The following CLDN14 variants were observed in gnomAD, a reference collection of about 807,000 sequenced individuals.
The protein encoded by CLDN14 is claudin-14.
Under a neutral mutation model 2.1 loss-of-function variants are expected in CLDN14, and 2 were observed. The ratio of observed to expected loss-of-function variants is 0.96; its 90% CI spans 0.39 to 3.01. CLDN14 has a LOEUF of 3.01. Among genes scored for constraint, CLDN14 ranks in the 30% most tolerant of loss-of-function variants. CLDN14 has a pLI of 0.09. For synonymous variants in CLDN14, 136 were observed against 154.4 expected (o/e 0.88, Z 0.88); for missense variants, 298 against 328.0 (o/e 0.91, Z 0.71).
At chr21:36,522,425 C>T (rs1568868192) in intron 1 of CLDN14, among the ~76,000 whole-genome samples, 1 of 152,228 alleles carries the variant, frequency 6.6e-6, no homozygotes, top group Non-Finnish European at 1.5e-5. Context: ...CCAGGATGCG[C>T]TGGGGGTTTG....
Position 36,461,322 on chromosome 21 carries a change from A to G in CLDN14, c.374T>C (p.Phe125Ser). 6.2e-7 allele frequency: 1 copy of G among 1,613,496 alleles called. No individual in the cohort carries two copies. Among genetic ancestry groups the G allele is most frequent in the Non-Finnish European group, 8.5e-7 (1 of 1,179,960 alleles). ...CATGCACAGGAGGCCGGCCAGGATG[A>G]AGAGGGTGCCGCCGAGGATGGCAAA... ...TTFAILGGTL[F>S]ILAGLLCMVA... Residue 125 changes from phenylalanine (F) to serine (S), a missense_variant, in exon 2 of 2, where the codon TTC becomes TCC. Coordinates refer to ENST00000399135, the MANE Select transcript of CLDN14 (RefSeq NM_001146079.2).
chr21:36,519,523 C>T (rs1303846695), intron 1 of CLDN14, among the ~76,000 whole-genome samples: 2 of 152,048 alleles, frequency 1.3e-5, no homozygotes, highest in East Asian at 3.9e-4. Flanking sequence ...ACAGCCTGGC[C>T]AACAGACGAA....
At chr21:36,552,471 T>C (rs2087569477) in intron 1 of CLDN14, among the ~76,000 whole-genome samples, 1 of 152,182 alleles carries the variant, frequency 6.6e-6, no homozygotes, top group Non-Finnish European at 1.5e-5. Flanking sequence ...TAAGTTGATC[T>C]GTTACAGGAC....
At chr21:36,521,918 T>C (rs1018969540) in intron 1 of CLDN14, among the ~76,000 whole-genome samples, 8 of 152,218 alleles carry the variant, frequency 5.3e-5, no homozygotes, top group African/African-American at 1.9e-4. Context: ...AAATATCTAG[T>C]GTTTTATACA....
chr21:36,465,451 C>T (rs2086633372), intron 1 of CLDN14, among the ~76,000 whole-genome samples: 1 of 152,192 alleles, frequency 6.6e-6, no homozygotes, highest in South Asian at 2.1e-4. Context: ...AATGAGCCCC[C>T]AACTCCCAGA....
chr21:36,554,247 G>A (rs1348677394), intron 1 of CLDN14, among the ~76,000 whole-genome samples: 2 of 152,104 alleles, frequency 1.3e-5, no homozygotes, highest in African/African-American at 4.8e-5. Context: ...TGGGCTCGGC[G>A]GTGCCTCCTG....
chr21:36,481,051 C>A (rs1013653138), upstream of CLDN14: 5 of 152,096 alleles, frequency 3.3e-5, no homozygotes, highest in African/African-American at 1.2e-4. Context: ...ATCTGCATAG[C>A]TTTTTTGGTC....
intron 1 of CLDN14, among the ~76,000 whole-genome samples, chr21:36,540,062 T>C (rs886513875): frequency 6.6e-6 from 1 of 151,366 alleles, no homozygotes; most frequent in Non-Finnish European, 1.5e-5. Context: ...GGTATGTATG[T>C]GTGTGGAGTG....
intron 1 of CLDN14, among the ~76,000 whole-genome samples, chr21:36,565,327 T>G (rs1363859800): frequency 6.6e-6 from 1 of 152,162 alleles, no homozygotes; most frequent in Non-Finnish European, 1.5e-5. Context: ...CTGGCTCTGT[T>G]GAAAGATTGC....
At chr21:36,552,958 G>A (rs2087572981) in intron 1 of CLDN14, among the ~76,000 whole-genome samples, 1 of 152,192 alleles carries the variant, frequency 6.6e-6, no homozygotes, top group African/African-American at 2.4e-5. Context: ...AGACTTGGGG[G>A]TGCAGAGGCC....
At chr21:36,557,441 C>A (rs2087606503) in intron 1 of CLDN14, among the ~76,000 whole-genome samples, 1 of 152,056 alleles carries the variant, frequency 6.6e-6, no homozygotes, top group Non-Finnish European at 1.5e-5. Flanking sequence ...TTCTCCACAT[C>A]CTTGCCAACT....
At chr21:36,548,173 A>C (rs1222865002) in intron 1 of CLDN14, among the ~76,000 whole-genome samples, 1 of 151,730 alleles carries the variant, frequency 6.6e-6, no homozygotes, top group Non-Finnish European at 1.5e-5. Context: ...TCCTCCAGGA[A>C]GCCCCCCTTC....
intron 1 of CLDN14, among the ~76,000 whole-genome samples, chr21:36,546,164 A>C (rs900578442): frequency 1.3e-5 from 2 of 152,222 alleles, no homozygotes; most frequent in African/African-American, 4.8e-5. Flanking sequence ...CATTATTTTC[A>C]CTTTTTGCAG....
intron 1 of CLDN14, among the ~76,000 whole-genome samples, chr21:36,549,779 C>T (rs1489958451): frequency 6.6e-6 from 1 of 152,206 alleles, no homozygotes; most frequent in Non-Finnish European, 1.5e-5. Flanking sequence ...TTCAGGTCTT[C>T]ACTCAAGTGT....
chr21:36,562,796 C>T (rs1437151841), intron 1 of CLDN14, among the ~76,000 whole-genome samples: 1 of 151,882 alleles, frequency 6.6e-6, no homozygotes, highest in African/African-American at 2.4e-5. Flanking sequence ...GTTCTCAGCA[C>T]AGTCAAGCGG....
chr21:36,488,273 C>CCTTCCTTCCTTCCTTT (rs1348624491), intron 2 of CLDN14, among the ~76,000 whole-genome samples: 1 of 149,622 alleles, frequency 6.7e-6, no homozygotes, highest in African/African-American at 2.5e-5. Flanking sequence ...TTCCTTCCTT[C>CCTTCCTTCCTTCCTTT]CCTCTCTCTT....
At chr21:36,550,109 A>G (rs910128985) in intron 1 of CLDN14, among the ~76,000 whole-genome samples, 2 of 152,200 alleles carry the variant, frequency 1.3e-5, no homozygotes, top group African/African-American at 4.8e-5. Flanking sequence ...GCCTTTTAGA[A>G]TGGTGACTAC....
At chr21:36,494,530 G>T (rs1448303296) in intron 2 of CLDN14, among the ~76,000 whole-genome samples, 2 of 152,194 alleles carry the variant, frequency 1.3e-5, no homozygotes, top group African/African-American at 4.8e-5. Flanking sequence ...ATATGTTGAA[G>T]TCCTGGCCCC....
At chr21:36,520,373 T>A (rs528586720) in intron 1 of CLDN14, among the ~76,000 whole-genome samples, 26 of 152,314 alleles carry the variant, frequency 1.7e-4, no homozygotes, top group African/African-American at 6.3e-4. Flanking sequence ...GAATTGTAGC[T>A]CCCATAATTC....
Sources: allele counts gnomAD v4.1 joint callset (sites outside exome capture counted in the v4.1 genomes callset), GRCh38; gene constraint gnomAD v4.1.1; transcripts MANE v1.5; gene names NCBI Gene and HGNC (gene_info 2026-07-23, HGNC 2026-07-21).